Variants in ZNF503 observed in about 807,000 individuals in gnomAD.
ZNF503 encodes zinc finger protein 503.
Under a neutral mutation model 34.4 loss-of-function variants are expected in ZNF503, and 15 were observed. The ratio of observed to expected loss-of-function variants is 0.44; its 90% CI spans 0.29 to 0.67. The LOEUF is 0.67. ZNF503 is among the 30% of genes least tolerant of loss of function. ZNF503 has a pLI of 0.13. For missense variants in ZNF503, 1,007 were observed against 926.8 expected (o/e 1.09, Z -1.12); for synonymous variants, 580 against 456.8 (o/e 1.27, Z -3.44).
chr10:75,389,645 G>A, the ZNF503 span, among the ~76,000 whole-genome samples: 15 of 152,230 alleles, frequency 9.9e-5, 1 homozygote, highest in South Asian at 1.9e-3. Flanking sequence ...CAGGAGAATC[G>A]CTGGAACTCA....
the ZNF503 span, among the ~76,000 whole-genome samples, chr10:75,308,827 AG>A: frequency 5.3e-5 from 8 of 152,138 alleles, no homozygotes; most frequent in Admixed American, 5.2e-4. Flanking sequence ...AGATAAGATA[AG>A]TAGTTGCTTC....
chr10:75,307,136 T>G, the ZNF503 span, among the ~76,000 whole-genome samples: 1 of 152,148 alleles, frequency 6.6e-6, no homozygotes, highest in East Asian at 1.9e-4. Flanking sequence ...GGAAGCCACA[T>G]CAAAAGCCAA....
chr10:75,336,276 T>C, the ZNF503 span, among the ~76,000 whole-genome samples: 1 of 152,064 alleles, frequency 6.6e-6, no homozygotes, highest in Non-Finnish European at 1.5e-5. Flanking sequence ...ACCCTGTCTA[T>C]TCACAATTTT....
chr10:75,365,374 C>T, the ZNF503 span, among the ~76,000 whole-genome samples: 3 of 152,210 alleles, frequency 2.0e-5, no homozygotes, highest in Non-Finnish European at 4.4e-5. Context: ...TCTCAAACCC[C>T]TGACCTTGTG....
chr10:75,333,524 T>G, the ZNF503 span, among the ~76,000 whole-genome samples: 1 of 45,630 alleles, frequency 2.2e-5, no homozygotes, highest in Admixed American at 2.1e-4. Flanking sequence ...CACTTCCCAG[T>G]AGGGGCGGCC....
chr10:75,301,710 C>G, the ZNF503 span, among the ~76,000 whole-genome samples: 1 of 151,986 alleles, frequency 6.6e-6, no homozygotes, highest in Non-Finnish European at 1.5e-5. Flanking sequence ...TTATCATGAT[C>G]TATTTCAGAA....
the ZNF503 span, among the ~76,000 whole-genome samples, chr10:75,326,280 C>T: frequency 2.0e-5 from 3 of 152,248 alleles, no homozygotes; most frequent in Non-Finnish European, 2.9e-5. Context: ...CATATCATTT[C>T]GGTTTTACAG....
At chr10:75,391,214 T>C in the ZNF503 span, among the ~76,000 whole-genome samples, 3 of 152,196 alleles carry the variant, frequency 2.0e-5, no homozygotes, top group Admixed American at 6.5e-5. Flanking sequence ...CCAGCCTCTC[T>C]TACAGCTATA....
At chr10:75,361,000 C>G in the ZNF503 span, 1 of 152,252 alleles carries the variant, frequency 6.6e-6, no homozygotes, top group African/African-American at 2.4e-5. Flanking sequence ...CCAAGAGCTG[C>G]TCACTGTGGT....
chr10:75,337,675 A>G, the ZNF503 span, among the ~76,000 whole-genome samples: 1 of 152,136 alleles, frequency 6.6e-6, no homozygotes, highest in Non-Finnish European at 1.5e-5. Context: ...TTGAATAACC[A>G]GGGTATGGGA....
Position 75,398,887 on chromosome 10 carries a change from G to A in ZNF503, c.1803C>T (p.Arg601=). 2 of 1,536,144 alleles carry A rather than the reference G, an allele frequency of 1.3e-6. No homozygotes were observed. The highest frequency in any genetic ancestry group is 1.7e-6 in the Non-Finnish European group (2 of 1,144,974). The change falls in exon 2 of 2, where the codon CGC becomes CGT. Residue 601 remains arginine (R), a synonymous_variant. Transcript: ENST00000372524. ...GCGGGCTCTTGGAGTAGGGGTGGTA[G>A]CGGCTGCTGAGTCCCAGCGCGTGGT... is the stretch of plus-strand genomic sequence containing the variant. ...SPHHALGLSS[R]YHPYSKSPLP...
chr10:75,352,957 A>AG, the ZNF503 span, among the ~76,000 whole-genome samples: 1 of 152,126 alleles, frequency 6.6e-6, no homozygotes, highest in Non-Finnish European at 1.5e-5. Flanking sequence ...ACAGTTCTGT[A>AG]GGGGGTGTTC....
the ZNF503 span, among the ~76,000 whole-genome samples, chr10:75,378,773 A>G: frequency 5.1e-4 from 77 of 152,290 alleles, no homozygotes; most frequent in African/African-American, 1.8e-3. Context: ...TGCACACACC[A>G]TAAGGCTGAG....
At chr10:75,284,419 G>A in the ZNF503 span, among the ~76,000 whole-genome samples, 1 of 151,784 alleles carries the variant, frequency 6.6e-6, no homozygotes, top group Non-Finnish European at 1.5e-5. Flanking sequence ...AGTGGGGAAG[G>A]GTACTGGGTT....
At chr10:75,329,513 G>A in the ZNF503 span, among the ~76,000 whole-genome samples, 11 of 150,986 alleles carry the variant, frequency 7.3e-5, no homozygotes, top group Admixed American at 6.6e-4. Flanking sequence ...TGCCCAGGCT[G>A]GAGTGCAGTG....
chr10:75,286,283 A>C, the ZNF503 span, among the ~76,000 whole-genome samples: 1 of 58,002 alleles, frequency 1.7e-5, no homozygotes. Context: ...ATACTGTCTC[A>C]GGAAAAAAAA....
At chr10:75,376,346 A>G in the ZNF503 span, among the ~76,000 whole-genome samples, 47 of 152,112 alleles carry the variant, frequency 3.1e-4, no homozygotes, top group African/African-American at 1.1e-3. Context: ...TCATGCTGCT[A>G]TGAAGAAATA....
chr10:75,348,159 T>C, the ZNF503 span, among the ~76,000 whole-genome samples: 1 of 152,008 alleles, frequency 6.6e-6, no homozygotes, highest in East Asian at 1.9e-4. Flanking sequence ...ACCTCCCAGG[T>C]TCAAGTGATT....
At chr10:75,280,601 T>C in the ZNF503 span, among the ~76,000 whole-genome samples, 2 of 151,342 alleles carry the variant, frequency 1.3e-5, no homozygotes, top group Admixed American at 1.3e-4. Flanking sequence ...TGGGAAACAC[T>C]GTGTTTTCAT....
Sources: allele counts gnomAD v4.1 joint callset (sites outside exome capture counted in the v4.1 genomes callset), GRCh38; gene constraint gnomAD v4.1.1; transcripts MANE v1.5; gene names NCBI Gene and HGNC (gene_info 2026-07-23, HGNC 2026-07-21).